Variants in UVSSA observed in about 807,000 individuals in gnomAD.
UVSSA encodes the protein UV-stimulated scaffold protein A.
A neutral mutation model predicts 73.9 loss-of-function variants in UVSSA; 72 were observed. That is an observed-to-expected ratio of 0.97 (90% CI 0.81 to 1.19). UVSSA has a LOEUF of 1.19. Among genes scored for constraint, UVSSA ranks in the 50% most tolerant of loss-of-function variants. The probability of loss-of-function intolerance (pLI) is 0.00; values close to 1 mark genes in which losing one functional copy is unlikely to be tolerated. For missense variants in UVSSA, 1,150 were observed against 965.0 expected (o/e 1.19, Z -2.54); for synonymous variants, 454 against 391.3 (o/e 1.16, Z -1.89).
At chr4:1,369,432 C>G (rs1717752508) in intron 8 of UVSSA, among the ~76,000 whole-genome samples, 1 of 152,228 alleles carries the variant, frequency 6.6e-6, no homozygotes, top group Non-Finnish European at 1.5e-5. Flanking sequence ...GTTCATAACA[C>G]TAGTTTATAT....
rs1363673029 is a variant in UVSSA at position 1,386,926 on chromosome 4, C to T, written c.*965C>T. 6.6e-6 allele frequency: 1 copy of T among 151,402 alleles called. No individual in the cohort carries two copies. The highest frequency in any genetic ancestry group is 1.5e-5 in the Non-Finnish European group (1 of 67,902). The allele number at this position is 151,402 out of a possible 1,614,324, so 9.4% of individuals were successfully genotyped here. Reference sequence around the variant, plus strand: ...TAGAGATGAGGTCTCACTGTGTTGCCCACGGTGATCTCGAACTCCTAGCCT... The same window carrying T: ...TAGAGATGAGGTCTCACTGTGTTGCTCACGGTGATCTCGAACTCCTAGCCT... On this transcript the variant is annotated 3_prime_UTR_variant, in exon 14 of 14. Coordinates refer to ENST00000389851, the MANE Select transcript of UVSSA (RefSeq NM_020894.4).
At chr4:1,389,116 A>C (rs1443100566), downstream of UVSSA, 2 of 152,156 alleles carry the variant, frequency 1.3e-5, no homozygotes, top group Non-Finnish European at 2.9e-5. Context: ...GTTTAGTTCC[A>C]GTAGTTTGCA....
At chr4:1,364,815 C>T (rs954934453) in intron 7 of UVSSA, among the ~76,000 whole-genome samples, 2 of 152,132 alleles carry the variant, frequency 1.3e-5, no homozygotes, top group African/African-American at 4.8e-5. Flanking sequence ...GGGGGCATGA[C>T]CTTCAGCTGC....
chr4:1,370,466 G>A (rs1308351331), intron 8 of UVSSA, among the ~76,000 whole-genome samples: 1 of 152,244 alleles, frequency 6.6e-6, no homozygotes, highest in Non-Finnish European at 1.5e-5. Context: ...GTGTGGCTCT[G>A]TCTCACACCC....
chr4:1,355,832 G>T (rs1715649109), intron 7 of UVSSA, among the ~76,000 whole-genome samples: 1 of 152,160 alleles, frequency 6.6e-6, no homozygotes, highest in Admixed American at 6.5e-5. Context: ...CCTCTGGTGG[G>T]TGAAGCTGGG....
intron 8 of UVSSA, 44 bp downstream of exon 8, chr4:1,366,475 C>A: frequency 6.7e-7 from 1 of 1,495,668 alleles, no homozygotes; most frequent in Non-Finnish European, 9.1e-7. Flanking sequence ...GTGGAGGGTC[C>A]CCCACTCAGG....
At chr4:1,365,504 G>A (rs1013891588) in intron 7 of UVSSA, among the ~76,000 whole-genome samples, 4 of 152,196 alleles carry the variant, frequency 2.6e-5, no homozygotes, top group Admixed American at 2.0e-4. Context: ...AAGCCTTCCT[G>A]CCATTCTCCA....
exon 14 of UVSSA, chr4:1,395,883 G>T: frequency 6.3e-7 from 1 of 1,597,926 alleles, no homozygotes; most frequent in Non-Finnish European, 8.5e-7. Flanking sequence ...AAGAGGAGAG[G>T]GTGTTTTTGT....
At position 1,383,949 on chromosome 4, in the gene UVSSA, G is replaced by A. The variant is rs757552319; in HGVS notation, c.2036+9G>A. The A allele has an allele frequency of 6.2e-7, 1 of 1,606,896 alleles. No individual in the cohort carries two copies. On this transcript the variant is annotated intron_variant, in intron 13 of 13. Transcript: ENST00000389851. ...AGAAAAGTCTTCGCCAAGTAAGAGT[G>A]GCTGCTGGGTCACCTCCCACCGCGT... is the stretch of plus-strand genomic sequence containing the variant.
chr4:1,354,466 G>C (rs1715343114), intron 5 of UVSSA: 5 of 497,142 alleles, frequency 1.0e-5, no homozygotes, highest in Non-Finnish European at 1.8e-5. Flanking sequence ...TCGCCCTCCA[G>C]ATGGGATGGC....
At chr4:1,373,878 A>G (rs769114739) in intron 8 of UVSSA, among the ~76,000 whole-genome samples, 4 of 151,418 alleles carry the variant, frequency 2.6e-5, no homozygotes, top group Admixed American at 2.6e-4. Flanking sequence ...GCACCTGACA[A>G]TTTTCCTTGC....
At chr4:1,380,783 C>G in intron 11 of UVSSA, 97 bp from the exon 12 acceptor site, 3 of 1,586,676 alleles carry the variant, frequency 1.9e-6, no homozygotes, top group Non-Finnish European at 1.7e-6. Context: ...ACCACCCACC[C>G]TGGTCGCTGT....
rs955533703 is a variant in UVSSA, at chr4:1,363,915, T to C, written c.1177-2405T>C. Among the ~76,000 whole-genome samples, 3 of 152,394 alleles carry C rather than the reference T, an allele frequency of 2.0e-5. No homozygotes were observed. The South Asian group carries it at 6.2e-4, about 32-fold the overall frequency. On this transcript the variant is annotated intron_variant, in intron 7 of 13. Coordinates refer to ENST00000389851, the MANE Select transcript of UVSSA (RefSeq NM_020894.4). ...AGCAGTGGGATGCTCCTAAACAAAG[T>C]GCACTTGGTCTGATGATTGGTGTGG...
chr4:1,364,570 A>C (rs781086504), intron 7 of UVSSA, among the ~76,000 whole-genome samples: 1 of 152,190 alleles, frequency 6.6e-6, no homozygotes, highest in African/African-American at 2.4e-5. Flanking sequence ...TTAGAGATGC[A>C]GGTGTGTGTC....
chr4:1,372,043 T>TA (rs564738962), intron 8 of UVSSA, among the ~76,000 whole-genome samples: 34 of 152,378 alleles, frequency 2.2e-4, no homozygotes, highest in African/African-American at 7.9e-4. Context: ...TCTTCTTGTT[T>TA]ATTACACCTT....
Position 1,377,787 on chromosome 4 carries a change from C to T in UVSSA, c.1568+1619C>T, listed in dbSNP as rs1292030728. Among the ~76,000 whole-genome samples the T allele has an allele frequency of 2.0e-5, 3 of 152,388 alleles. No individual in the cohort carries two copies. In the East Asian group the frequency reaches 5.8e-4, roughly 29 times the overall value. On this transcript the variant is annotated intron_variant, in intron 10 of 13. Transcript: ENST00000389851. ...GTTCCACCTGCCTGGCCCGTCAGCACCACGCACCTGGTGCATCGAGCTCAC... is the reference window on the plus strand; with the variant it reads ...GTTCCACCTGCCTGGCCCGTCAGCATCACGCACCTGGTGCATCGAGCTCAC...
At chr4:1,369,322 G>A (rs1165665095) in intron 8 of UVSSA, among the ~76,000 whole-genome samples, 3 of 152,234 alleles carry the variant, frequency 2.0e-5, no homozygotes, top group East Asian at 1.9e-4. Context: ...TGCGCAGGGA[G>A]GACCCCTGGC....
exon 14 of UVSSA, chr4:1,394,151 G>C: frequency 7.5e-6 from 3 of 402,330 alleles, no homozygotes; most frequent in South Asian, 4.8e-5. Context: ...GGCAGCTCAG[G>C]TTCCTCTCGG....
At chr4:1,383,999 A>C (rs1719817167) in intron 13 of UVSSA, 59 bp downstream of exon 13, 1 of 1,524,680 alleles carries the variant, frequency 6.6e-7, no homozygotes, top group Non-Finnish European at 8.8e-7. Context: ...AGGGTGTTCG[A>C]GGGGGGCCAT....
Sources: gnomAD v4.1 joint callset for allele counts (sites outside exome capture counted in the v4.1 genomes callset) on GRCh38, gnomAD v4.1.1 for gene constraint, MANE v1.5 for transcripts, NCBI Gene and HGNC (gene_info 2026-07-23, HGNC 2026-07-21) for gene names.